SV2C: variants seen among roughly 807,000 people sequenced by gnomAD.
SV2C encodes solute carrier family 22 member B3.
In SV2C, 49 loss-of-function variants were observed where a neutral mutation model predicts 79.7. The observed-to-expected ratio is 0.61, with a 90% CI of 0.49 to 0.78. SV2C has a LOEUF of 0.78. Among genes scored for constraint, SV2C ranks in the 30% least tolerant of loss-of-function variants. SV2C has a pLI of 0.00. For missense variants in SV2C, 833 were observed against 912.9 expected, an observed-to-expected ratio of 0.91 and a Z score of 1.13; for synonymous variants, 334 against 333.2, an observed-to-expected ratio of 1.00 and a Z score of -0.03.
chr5:75,973,345 A>G, the SV2C span, among the ~76,000 whole-genome samples: 1 of 151,306 alleles, frequency 6.6e-6, no homozygotes, highest in South Asian at 2.1e-4. Flanking sequence ...ATAAAAAAAA[A>G]TTAGCCAAGT....
the SV2C span, among the ~76,000 whole-genome samples, chr5:75,880,698 T>A: frequency 3.3e-5 from 5 of 152,192 alleles, no homozygotes; most frequent in African/African-American, 9.6e-5. Context: ...TTCCCTCATC[T>A]TCTTTTCTTC....
At chr5:76,099,173 T>C (rs1408227188) in intron 1 of SV2C, among the ~76,000 whole-genome samples, 1 of 152,178 alleles carries the variant, frequency 6.6e-6, no homozygotes, top group African/African-American at 2.4e-5. Context: ...CTGTATGTGA[T>C]CTGCTGGCTT....
chr5:75,903,164 A>C, the SV2C span, among the ~76,000 whole-genome samples: 1 of 152,168 alleles, frequency 6.6e-6, no homozygotes, highest in Non-Finnish European at 1.5e-5. Context: ...AGGGTCTGTC[A>C]TTGTTCCAGT....
At chr5:76,083,354 C>T (rs1747055868), upstream of SV2C, 1 of 152,438 alleles carries the variant, frequency 6.6e-6, no homozygotes. Flanking sequence ...CCCGCCCCTC[C>T]TCTCGCCGCT....
intron 12 of SV2C, among the ~76,000 whole-genome samples, chr5:76,324,539 A>T (rs1361363510): frequency 6.6e-6 from 1 of 151,988 alleles, no homozygotes; most frequent in African/African-American, 2.4e-5. Context: ...GGAGGATTAA[A>T]GTTTGTTTTA....
At chr5:76,007,075 G>A in the SV2C span, among the ~76,000 whole-genome samples, 88 of 152,248 alleles carry the variant, frequency 5.8e-4, no homozygotes, top group Admixed American at 1.4e-3. Context: ...ATGTTGGATA[G>A]TTTCCCCGAG....
the SV2C span, among the ~76,000 whole-genome samples, chr5:75,976,145 A>T: frequency 6.6e-6 from 1 of 152,312 alleles, no homozygotes; most frequent in Admixed American, 6.5e-5. Flanking sequence ...AATGGAATTA[A>T]TATGTTTGTT....
At chr5:76,116,517 T>G (rs774149659) in intron 1 of SV2C, among the ~76,000 whole-genome samples, 13 of 152,178 alleles carry the variant, frequency 8.5e-5, no homozygotes, top group Non-Finnish European at 1.6e-4. Flanking sequence ...AGCCTCGCCT[T>G]CTGGGAAGGA....
chr5:76,338,634 G>A (rs1236087507), downstream of SV2C, among the ~76,000 whole-genome samples: 1 of 148,920 alleles, frequency 6.7e-6, no homozygotes, highest in Non-Finnish European at 1.5e-5. Flanking sequence ...GACAACCATA[G>A]TATTTTCTTT....
At chr5:75,893,382 G>C in the SV2C span, among the ~76,000 whole-genome samples, 3 of 151,828 alleles carry the variant, frequency 2.0e-5, no homozygotes, top group African/African-American at 4.8e-5. Flanking sequence ...CTAACTAAAG[G>C]GTCTTTGGGT....
the SV2C span, among the ~76,000 whole-genome samples, chr5:75,935,152 A>G: frequency 0.017 from 2,615 of 152,324 alleles, 58 homozygotes; most frequent in African/African-American, 0.057. Context: ...GCTCTAAAAT[A>G]GATATTCAAA....
intron 2 of SV2C, among the ~76,000 whole-genome samples, chr5:76,193,977 TA>T (rs1009111402): frequency 2.0e-5 from 3 of 152,212 alleles, no homozygotes; most frequent in Non-Finnish European, 4.4e-5. Context: ...CTATTATCTT[TA>T]AAAGATAATA....
chr5:76,247,618 G>A (rs186620623), intron 4 of SV2C, among the ~76,000 whole-genome samples: 1 of 152,296 alleles, frequency 6.6e-6, no homozygotes, highest in Admixed American at 6.5e-5. Flanking sequence ...ACACAGGAGC[G>A]AATATCAAAT....
At chr5:76,297,335 A>G (rs753288396) in intron 9 of SV2C, among the ~76,000 whole-genome samples, 15 of 152,230 alleles carry the variant, frequency 9.9e-5, no homozygotes, top group Non-Finnish European at 2.1e-4. Flanking sequence ...AAGCAGGTGT[A>G]CTTTAGACAC....
intron 2 of SV2C, among the ~76,000 whole-genome samples, chr5:76,194,195 A>G (rs545049431): frequency 1.3e-5 from 2 of 152,286 alleles, no homozygotes; most frequent in South Asian, 4.1e-4. Flanking sequence ...CTGGAGCTAT[A>G]TGAAAGACTC....
intron 2 of SV2C, among the ~76,000 whole-genome samples, chr5:76,137,943 CA>C (rs1580297940): frequency 6.6e-6 from 1 of 152,010 alleles, no homozygotes; most frequent in African/African-American, 2.4e-5. Flanking sequence ...AGCTAAACAA[CA>C]AAAAAATTTT....
At position 76,102,742 on chromosome 5, in the gene SV2C, AG is replaced by A. The variant is rs200084902; in HGVS notation, c.-102+19231del. Among the ~76,000 whole-genome samples, 434 of 152,316 alleles carry A rather than the reference AG, an allele frequency of 2.8e-3. 7 individuals carry two copies. The East Asian group carries it at 0.051, about 18-fold the overall frequency. On this transcript the variant is annotated intron_variant, in intron 1 of 12. Transcript: ENST00000502798. ...GCAGAGCCATGTGAGAGCCTTATAA[AG>A]ACTCGTTTGGCTTAGATGGTTTACT...
chr5:76,341,331 A>G (rs1033817672), intron 12 of SV2C, among the ~76,000 whole-genome samples: 2 of 152,192 alleles, frequency 1.3e-5, no homozygotes, highest in Non-Finnish European at 2.9e-5. Context: ...TGAGCCCAGG[A>G]GTTCAAGACC....
intron 12 of SV2C, among the ~76,000 whole-genome samples, chr5:76,347,828 A>T (rs1749572230): frequency 6.6e-6 from 1 of 152,128 alleles, no homozygotes; most frequent in Non-Finnish European, 1.5e-5. Context: ...AGAGTTCCCA[A>T]ATATCCCCTG....
Sources: allele counts gnomAD v4.1 joint callset (sites outside exome capture counted in the v4.1 genomes callset), GRCh38; gene constraint gnomAD v4.1.1; transcripts MANE v1.5; gene names NCBI Gene and HGNC (gene_info 2026-07-23, HGNC 2026-07-21).